Variants in RNF111 observed in about 807,000 individuals in gnomAD.
RNF111 encodes E3 ubiquitin-protein ligase Arkadia.
In RNF111, 17 loss-of-function variants were observed where a neutral mutation model predicts 95.1. The observed-to-expected ratio is 0.18, with a 90% CI of 0.12 to 0.27. The LOEUF (loss-of-function observed/expected upper bound fraction) is 0.27, where lower values mean the gene tolerates loss of function less well. RNF111 is among the 10% of genes least tolerant of loss of function. The probability of loss-of-function intolerance (pLI) is 1.00; values close to 1 mark genes in which losing one functional copy is unlikely to be tolerated. For missense variants in RNF111, 1,189 were observed against 1,210.4 expected, an observed-to-expected ratio of 0.98 and a Z score of 0.26; for synonymous variants, 440 against 414.8, an observed-to-expected ratio of 1.06 and a Z score of -0.74.
Position 59,081,085 on chromosome 15 carries a change from G to A in RNF111, c.2098G>A (p.Ala700Thr), listed in dbSNP as rs2078727682. 6.2e-7 allele frequency: 1 copy of A among 1,613,966 alleles called. No homozygotes were observed. Among genetic ancestry groups the A allele is most frequent in the South Asian group, 1.1e-5 (1 of 91,072 alleles). The change falls in exon 8 of 14, where the codon GCA becomes ACA. Residue 700 changes from alanine (A) to threonine (T), a missense_variant. Ala to Thr is a moderately conservative substitution (Grantham distance 58). Transcript: ENST00000348370. ...HAFHSQISSHATSHPVAPPPP... is the reference protein window; with the variant it reads ...HAFHSQISSHTTSHPVAPPPP... ...TTTCCATTCTCAAATATCTTCTCAT[G>A]CAACATCTCATCCTGTGGCACCCCC...
chr15:59,096,125 G>C lies in RNF111; in HGVS notation c.*1225G>C. On this transcript the variant is annotated 3_prime_UTR_variant, in exon 14 of 14. Transcript: ENST00000348370. ...TAAAATTTTTAATTTCTATAGTTAA[G>C]ATTTACTGCATAATATAGAATATAA... is the stretch of plus-strand genomic sequence containing the variant. The C allele has an allele frequency of 2.5e-6, 1 of 398,410 alleles. No individual in the cohort carries two copies. Among genetic ancestry groups the C allele is most frequent in the Non-Finnish European group, 4.4e-6 (1 of 225,744 alleles). 24.7% of individuals were successfully genotyped at this position (398,410 alleles called of 1,614,324 possible).
chr15:59,006,620 C>G (rs1306896990), intron 1 of RNF111, among the ~76,000 whole-genome samples: 1 of 152,194 alleles, frequency 6.6e-6, no homozygotes, highest in Non-Finnish European at 1.5e-5. Flanking sequence ...CTTTACATTT[C>G]TAGCCATCTA....
intron 2 of RNF111, among the ~76,000 whole-genome samples, chr15:59,033,637 G>C (rs2041022981): frequency 6.6e-6 from 1 of 152,140 alleles, no homozygotes; most frequent in South Asian, 2.1e-4. Context: ...AAGTTCTAAG[G>C]AGCTGATGTT....
chr15:58,998,448 T>G (rs2039180186), intron 1 of RNF111, among the ~76,000 whole-genome samples: 1 of 152,188 alleles, frequency 6.6e-6, no homozygotes, highest in Middle Eastern at 3.2e-3. Flanking sequence ...CCCCTCATTG[T>G]GTCCGTATGT....
At chr15:59,069,384 C>T (rs1295343810) in intron 6 of RNF111, among the ~76,000 whole-genome samples, 1 of 152,062 alleles carries the variant, frequency 6.6e-6, no homozygotes, top group Non-Finnish European at 1.5e-5. Context: ...GGTGGGTCTA[C>T]CAGCTTTTCC....
intron 10 of RNF111, among the ~76,000 whole-genome samples, chr15:59,087,958 A>G (rs1423811541): frequency 6.6e-6 from 1 of 152,148 alleles, no homozygotes; most frequent in African/African-American, 2.4e-5. Context: ...CTCTTAGATT[A>G]CGTACGGTAA....
intron 1 of RNF111, among the ~76,000 whole-genome samples, chr15:58,994,238 T>C (rs1406091466): frequency 1.3e-5 from 2 of 151,556 alleles, no homozygotes; most frequent in Non-Finnish European, 2.9e-5. Flanking sequence ...GGGGTTTCGC[T>C]ATGTTGGCCA....
chr15:59,028,762 C>T (rs2040750859), intron 1 of RNF111, among the ~76,000 whole-genome samples: 1 of 142,152 alleles, frequency 7.0e-6, no homozygotes, highest in South Asian at 2.3e-4. Flanking sequence ...TGCTAGGTCA[C>T]ATAGCAATTT....
At chr15:59,088,617 G>C (rs2078963492) in intron 10 of RNF111, among the ~76,000 whole-genome samples, 1 of 152,196 alleles carries the variant, frequency 6.6e-6, no homozygotes, top group South Asian at 2.1e-4. Flanking sequence ...CTGTATCTCA[G>C]AAATGCCCTT....
intron 2 of RNF111, among the ~76,000 whole-genome samples, chr15:59,049,140 C>G (rs2041848742): frequency 6.6e-6 from 1 of 152,154 alleles, no homozygotes; most frequent in South Asian, 2.1e-4. Flanking sequence ...CAGAACTTTT[C>G]CATCTTCCAA....
intron 2 of RNF111, among the ~76,000 whole-genome samples, chr15:59,044,014 A>G (rs1294404314): frequency 2.6e-5 from 4 of 152,184 alleles, no homozygotes; most frequent in Admixed American, 6.5e-5. Context: ...TTGTGCTCAC[A>G]GATTGGAAAC....
chr15:59,004,618 T>C (rs931595579), intron 1 of RNF111, among the ~76,000 whole-genome samples: 1 of 152,224 alleles, frequency 6.6e-6, no homozygotes, highest in Middle Eastern at 3.2e-3. Flanking sequence ...GTTTTTTGTT[T>C]CTTGTAACAA....
At chr15:59,060,906 A>G (rs1230273044) in intron 5 of RNF111, among the ~76,000 whole-genome samples, 5 of 151,488 alleles carry the variant, frequency 3.3e-5, no homozygotes, top group African/African-American at 1.2e-4. Flanking sequence ...GGCTCAAGTG[A>G]TCCTCCCGAG....
chr15:59,075,756 A>G (rs2043138515), intron 6 of RNF111, among the ~76,000 whole-genome samples, 198 bp from the exon 7 acceptor site: 1 of 152,228 alleles, frequency 6.6e-6, no homozygotes, highest in Non-Finnish European at 1.5e-5. Flanking sequence ...AGTTTTCACA[A>G]TCCAGGATAC....
intron 1 of RNF111, among the ~76,000 whole-genome samples, chr15:59,005,985 C>G (rs138401147): frequency 4.6e-5 from 7 of 152,256 alleles, no homozygotes; most frequent in African/African-American, 1.7e-4. Flanking sequence ...GTTGCCTGAG[C>G]AAAGAATTCC....
intron 2 of RNF111, among the ~76,000 whole-genome samples, chr15:59,039,409 C>T (rs1325430068): frequency 2.0e-5 from 3 of 152,222 alleles, no homozygotes; most frequent in Non-Finnish European, 4.4e-5. Context: ...TTTCTTCTTT[C>T]ATTTACCACT....
At chr15:59,016,794 A>G (rs1231183899) in intron 1 of RNF111, among the ~76,000 whole-genome samples, 1 of 152,120 alleles carries the variant, frequency 6.6e-6, no homozygotes, top group Non-Finnish European at 1.5e-5. Context: ...TGAGTGGTGG[A>G]TGAGTAGTGA....
intron 5 of RNF111, 80 bp from the exon 6 acceptor site, chr15:59,066,684 T>G: frequency 9.4e-7 from 1 of 1,068,238 alleles, no homozygotes; most frequent in Non-Finnish European, 1.4e-6. Context: ...TAAACATTTA[T>G]TATTTATACC....
In RNF111 at chr15:59,011,041, A is replaced by T. The variant is rs139787218; in HGVS notation, c.-19-19763A>T. The stretch of plus-strand genomic sequence containing the variant: ...GTTGTTTGAATTTGGCATCTTGAAG[A>T]TGAAAAATTGTCTATCAGAAGATTG... On this transcript the variant is annotated intron_variant, in intron 1 of 13. Transcript: ENST00000348370. 6.3e-3 allele frequency among the ~76,000 whole-genome samples: 966 copies of T among 152,324 alleles called. 6 individuals are homozygous for T. The highest frequency in any genetic ancestry group is 9.6e-3 in the Non-Finnish European group (650 of 68,028).
Sources: gnomAD v4.1 joint callset for allele counts (sites outside exome capture counted in the v4.1 genomes callset) on GRCh38, gnomAD v4.1.1 for gene constraint, MANE v1.5 for transcripts, NCBI Gene and HGNC (gene_info 2026-07-23, HGNC 2026-07-21) for gene names.